RERE: variants seen among roughly 807,000 people sequenced by gnomAD.
RERE encodes arginine-glutamic acid dipeptide repeats protein.
Under a neutral mutation model 146.1 loss-of-function variants are expected in RERE, and 40 were observed. The ratio of observed to expected loss-of-function variants is 0.27; its 90% CI spans 0.21 to 0.36. The LOEUF (loss-of-function observed/expected upper bound fraction) is 0.36, where lower values mean the gene tolerates loss of function less well. RERE is among the 10% of genes least tolerant of loss of function. The probability of loss-of-function intolerance (pLI) is 1.00; values close to 1 mark genes in which losing one functional copy is unlikely to be tolerated. For missense variants in RERE, 1,933 were observed against 2,138.7 expected, an observed-to-expected ratio of 0.90 and a Z score of 1.90; for synonymous variants, 1,003 against 866.0, an observed-to-expected ratio of 1.16 and a Z score of -2.78.
rs140419031 is a variant in RERE at position 8,711,848 on chromosome 1, A to C, written c.-144-55407T>G. 6.7e-3 allele frequency among the ~76,000 whole-genome samples: 1,024 copies of C among 152,358 alleles called. 7 individuals carry two copies. Among genetic ancestry groups the C allele is most frequent in the Non-Finnish European group, 9.0e-3 (613 of 68,036 alleles). ...TGTATGACTTATTAAAATAATGTAC[A>C]CAAATTCAAAATATAATTTTGCCCT... On this transcript the variant is annotated intron_variant, in intron 1 of 22. Coordinates refer to ENST00000400908, the MANE Select transcript of RERE (RefSeq NM_001042681.2).
intron 4 of RERE, among the ~76,000 whole-genome samples, chr1:8,611,975 A>G (rs1282850670): frequency 6.6e-6 from 1 of 152,240 alleles, no homozygotes; most frequent in Non-Finnish European, 1.5e-5. Context: ...CCAAGCTAAC[A>G]GATTCTCAGT....
intron 1 of RERE, chr1:8,799,415 A>C (rs1420623750): frequency 5.9e-6 from 1 of 170,020 alleles, no homozygotes; most frequent in African/African-American, 2.4e-5. Context: ...GGCTGCTCTT[A>C]AATGCAAGGT....
At chr1:8,460,128 A>G (rs892229122) in intron 11 of RERE, among the ~76,000 whole-genome samples, 8 of 152,034 alleles carry the variant, frequency 5.3e-5, no homozygotes, top group African/African-American at 1.9e-4. Flanking sequence ...TGTGAATTCC[A>G]TTTTCCTCAG....
At chr1:8,768,185 A>G (rs1296117649) in intron 1 of RERE, among the ~76,000 whole-genome samples, 1 of 152,172 alleles carries the variant, frequency 6.6e-6, no homozygotes, top group Non-Finnish European at 1.5e-5. Flanking sequence ...AATAATGTAA[A>G]AAGAACGTGT....
At chr1:8,465,761 C>T (rs1301478736) in intron 11 of RERE, 164 bp downstream of exon 11, 2 of 693,198 alleles carry the variant, frequency 2.9e-6, no homozygotes, top group South Asian at 1.5e-5. Flanking sequence ...TCTTTCTGTA[C>T]AATTAAGGGG....
At chr1:8,606,769 T>C (rs1646715869) in intron 4 of RERE, among the ~76,000 whole-genome samples, 1 of 152,188 alleles carries the variant, frequency 6.6e-6, no homozygotes, top group Admixed American at 6.5e-5. Flanking sequence ...GCTGAAAATC[T>C]AAGATTTTCT....
intron 4 of RERE, among the ~76,000 whole-genome samples, chr1:8,584,749 G>A (rs1236191565): frequency 2.0e-5 from 3 of 152,124 alleles, no homozygotes; most frequent in Non-Finnish European, 4.4e-5. Flanking sequence ...AAAAGGGAGA[G>A]TGCAAACAAA....
chr1:8,357,021 C>G (rs1161462348), intron 20 of RERE, among the ~76,000 whole-genome samples: 1 of 152,220 alleles, frequency 6.6e-6, no homozygotes, highest in Non-Finnish European at 1.5e-5. Context: ...CTCCTGACGG[C>G]CTTCTCGAAA....
intron 1 of RERE, among the ~76,000 whole-genome samples, chr1:8,790,032 T>G (rs1364597395): frequency 1.3e-5 from 2 of 152,224 alleles, no homozygotes; most frequent in Non-Finnish European, 2.9e-5. Context: ...CCAAAGATAG[T>G]AACTTTTATT....
chr1:8,710,287 T>C (rs1021103009), intron 1 of RERE, among the ~76,000 whole-genome samples: 2 of 152,206 alleles, frequency 1.3e-5, no homozygotes, highest in African/African-American at 4.8e-5. Flanking sequence ...ATCTACGTAA[T>C]ATACTCTTGA....
chr1:8,778,408 A>G (rs1641107103), intron 1 of RERE, among the ~76,000 whole-genome samples: 1 of 152,260 alleles, frequency 6.6e-6, no homozygotes, highest in Non-Finnish European at 1.5e-5. Context: ...ACTTCCTTCC[A>G]GAGGTCTCTA....
At chr1:8,400,211 T>G (rs1483932359) in intron 12 of RERE, among the ~76,000 whole-genome samples, 1 of 149,820 alleles carries the variant, frequency 6.7e-6, no homozygotes, top group African/African-American at 2.5e-5. Flanking sequence ...TCCTTTCCAT[T>G]CCTGTGTCAT....
rs924233387 is a variant in RERE at position 8,423,893 on chromosome 1, C to T, written c.1204-1086G>A. On this transcript the variant is annotated intron_variant, in intron 11 of 22. Transcript: ENST00000400908. The surrounding 1 kb of genome is among the most constrained non-coding windows in gnomAD (Gnocchi z 5.4). ...GGGGCCCCGCGCCCCGGCCCCGGCC[C>T]CGCCCCCGGCCCGACCCCCACCCCG... is the stretch of plus-strand genomic sequence containing the variant. The T allele has an allele frequency of 1.3e-5, 2 of 156,080 alleles. No homozygotes were observed. The highest frequency in any genetic ancestry group is 4.9e-5 in the African/African-American group (2 of 41,152). 9.7% of individuals were successfully genotyped at this position (156,080 alleles called of 1,614,324 possible).
At chr1:8,557,568 G>A (rs1646022375) in intron 4 of RERE, 45 bp from the exon 5 acceptor site, 2 of 1,293,210 alleles carry the variant, frequency 1.5e-6, no homozygotes, top group East Asian at 2.3e-5. Flanking sequence ...ATTTCAGGTG[G>A]CCACAAGTGC....
intron 2 of RERE, among the ~76,000 whole-genome samples, chr1:8,626,967 G>A (rs1646980262): frequency 1.3e-5 from 2 of 152,186 alleles, no homozygotes; most frequent in South Asian, 4.2e-4. Flanking sequence ...CAAACTTACT[G>A]CATTCAATGG....
chr1:8,405,068 CAT>C (rs1404605003), intron 12 of RERE, among the ~76,000 whole-genome samples: 2 of 152,088 alleles, frequency 1.3e-5, no homozygotes, highest in South Asian at 2.1e-4. Flanking sequence ...TTTGAAGTAT[CAT>C]AAAGTTTTCG....
intron 1 of RERE, among the ~76,000 whole-genome samples, chr1:8,683,444 G>C (rs189591664): frequency 2.0e-5 from 3 of 151,958 alleles, no homozygotes; most frequent in Non-Finnish European, 4.4e-5. Flanking sequence ...AGACGGGGAG[G>C]GATGGGACAC....
At chr1:8,776,462 T>C (rs1479456149) in intron 1 of RERE, among the ~76,000 whole-genome samples, 1 of 152,164 alleles carries the variant, frequency 6.6e-6, no homozygotes. Flanking sequence ...CATGACCCAC[T>C]AATTGTTGTA....
At position 8,423,764 on chromosome 1, in the gene RERE, C is replaced by G; in HGVS notation, c.1204-957G>C. ...CCGGGGGGCGCGGGGCTGGGGCCGC[C>G]GCTGACGGGGGAGGAGGCAGGAGCG... On this transcript the variant is annotated intron_variant, in intron 11 of 22. Transcript: ENST00000400908. This position sits in a 1 kb window ranked among gnomAD's most constrained non-coding sequence, Gnocchi z 5.4. The G allele has an allele frequency of 1.2e-6, 1 of 864,196 alleles. No individual in the cohort carries two copies. Among genetic ancestry groups the G allele is most frequent in the African/African-American group, 1.8e-5 (1 of 54,310 alleles). 53.5% of individuals were successfully genotyped at this position (864,196 alleles called of 1,614,324 possible). A position where few individuals can be genotyped will look rare whatever the true frequency, so the allele number is the denominator to read the frequency against.
Sources: gnomAD v4.1 joint callset for allele counts (sites outside exome capture counted in the v4.1 genomes callset) on GRCh38, gnomAD v4.1.1 for gene constraint, Gnocchi (gnomAD v3.1) non-coding constraint, MANE v1.5 for transcripts, NCBI Gene and HGNC (gene_info 2026-07-23, HGNC 2026-07-21) for gene names.